PARVA: variants seen among roughly 807,000 people sequenced by gnomAD.
The protein encoded by PARVA is parvin alpha.
In PARVA, 25 loss-of-function variants were observed where a neutral mutation model predicts 52.6. The observed-to-expected ratio is 0.48, with a 90% CI of 0.35 to 0.66. PARVA has a LOEUF of 0.66. PARVA is among the 30% of genes least tolerant of loss of function. The pLI is 0.01. For missense variants in PARVA, 373 were observed against 450.9 expected (o/e 0.83, Z 1.56); for synonymous variants, 185 against 179.1 (o/e 1.03, Z -0.26).
At chr11:12,427,653 A>G (rs1018761946) in intron 1 of PARVA, among the ~76,000 whole-genome samples, 3 of 152,224 alleles carry the variant, frequency 2.0e-5, no homozygotes, top group African/African-American at 4.8e-5. Context: ...CAAAAAAACA[A>G]TTATCTTGAA....
intron 4 of PARVA, among the ~76,000 whole-genome samples, chr11:12,488,072 T>C (rs887526730): frequency 6.6e-6 from 1 of 152,146 alleles, no homozygotes; most frequent in African/African-American, 2.4e-5. Context: ...ATTTGAACAG[T>C]CATTTCAAGT....
Position 12,533,237 on chromosome 11 carries a change from C to CAG in PARVA, c.*5312_*5313insAG, listed in dbSNP as rs1468533815. Among the ~76,000 whole-genome samples, 701 of 152,296 alleles carry CAG rather than the reference C, an allele frequency of 4.6e-3. 3 individuals are homozygous for CAG. The highest frequency in any genetic ancestry group is 0.015 in the African/African-American group (636 of 41,554). ...GTGTGGAGGGAATGAAATAAGGGGC[C>CAG]TACCAGGCCAGAACGCTGATCCATG... On this transcript the variant is annotated 3_prime_UTR_variant, in exon 13 of 13. Transcript: ENST00000334956.
intron 1 of PARVA, among the ~76,000 whole-genome samples, chr11:12,378,332 C>T (rs1298946780): frequency 6.6e-6 from 1 of 152,116 alleles, no homozygotes; most frequent in African/African-American, 2.4e-5. Flanking sequence ...TTTTGTCCAT[C>T]CCGAGGGCTG....
intron 1 of PARVA, among the ~76,000 whole-genome samples, chr11:12,429,641 C>T (rs914265930): frequency 6.6e-6 from 1 of 152,188 alleles, no homozygotes; most frequent in Non-Finnish European, 1.5e-5. Context: ...AGTCCACTAA[C>T]CTTTTCCCAA....
rs189887023 is a variant in PARVA at position 12,392,039 on chromosome 11, A to G, written c.136+14256A>G. The stretch of plus-strand genomic sequence containing the variant: ...CTCCCCTCCCCATTTCCTAACCCCA[A>G]GTTGTCACTAATCTACTTTCTGTTT... On this transcript the variant is annotated intron_variant, in intron 1 of 12. Transcript: ENST00000334956. 5.3e-3 allele frequency among the ~76,000 whole-genome samples: 807 copies of G among 152,108 alleles called. 9 individuals carry two copies. The highest frequency in any genetic ancestry group is 0.014 in the Middle Eastern group (4 of 292).
At chr11:12,381,622 G>A (rs970043318) in intron 1 of PARVA, among the ~76,000 whole-genome samples, 5 of 152,250 alleles carry the variant, frequency 3.3e-5, no homozygotes, top group Admixed American at 1.3e-4. Context: ...ATAGCCTACC[G>A]TTGACCAGAA....
At chr11:12,391,303 G>A (rs1483854344) in intron 1 of PARVA, among the ~76,000 whole-genome samples, 1 of 152,176 alleles carries the variant, frequency 6.6e-6, no homozygotes, top group Non-Finnish European at 1.5e-5. Flanking sequence ...TGGTGTTGGA[G>A]CAGGTGGGAA....
chr11:12,445,358 C>T (rs1271806397), intron 1 of PARVA, among the ~76,000 whole-genome samples: 1 of 152,132 alleles, frequency 6.6e-6, no homozygotes, highest in Non-Finnish European at 1.5e-5. Flanking sequence ...GGCCACCCAA[C>T]AGACAAGGCC....
intron 1 of PARVA, among the ~76,000 whole-genome samples, chr11:12,465,738 A>G (rs1372338681): frequency 6.6e-6 from 1 of 152,224 alleles, no homozygotes. Flanking sequence ...ATATAGATGT[A>G]CTACAGTTTA....
At chr11:12,415,788 AAGAG>A (rs569739949) in intron 1 of PARVA, among the ~76,000 whole-genome samples, 206 of 151,832 alleles carry the variant, frequency 1.4e-3, no homozygotes, top group African/African-American at 4.9e-3. Context: ...AGCCAGGAAA[AAGAG>A]AGAGAGAGAG....
chr11:12,493,054 T>C lies in PARVA; in HGVS notation c.401-3404T>C, dbSNP rs1188630219. On this transcript the variant is annotated intron_variant, in intron 4 of 12. Coordinates refer to ENST00000334956, the MANE Select transcript of PARVA (RefSeq NM_018222.5). The stretch of plus-strand genomic sequence containing the variant: ...ATATATATATACTATAATCTCATTT[T>C]CATTAAAAGAGAAAGAGAAGGCTGA... 1.3e-5 allele frequency among the ~76,000 whole-genome samples: 2 copies of C among 152,126 alleles called. 1 individual carries two copies. Among genetic ancestry groups the C allele is most frequent in the Admixed American group, 1.3e-4 (2 of 15,256 alleles).
intron 6 of PARVA, among the ~76,000 whole-genome samples, chr11:12,507,787 TG>T (rs532524314): frequency 8.1e-4 from 124 of 152,288 alleles, no homozygotes; most frequent in African/African-American, 2.9e-3. Flanking sequence ...AGGACTGTTT[TG>T]GGGAAACCAT....
At chr11:12,409,171 C>A (rs994117467) in intron 1 of PARVA, among the ~76,000 whole-genome samples, 1 of 152,162 alleles carries the variant, frequency 6.6e-6, no homozygotes, top group African/African-American at 2.4e-5. Context: ...TTAACAGTGC[C>A]TGCTTCATTA....
chr11:12,380,092 CTCCACCAGGCCCAACA>C (rs1939463572), intron 1 of PARVA, among the ~76,000 whole-genome samples: 1 of 152,214 alleles, frequency 6.6e-6, no homozygotes, highest in Non-Finnish European at 1.5e-5. Flanking sequence ...AGAGTCTTCT[CTCCACCAGGCCCAACA>C]TCCTCTATTC....
chr11:12,472,627 C>T (rs2135034958), intron 1 of PARVA, among the ~76,000 whole-genome samples: 1 of 152,294 alleles, frequency 6.6e-6, no homozygotes, highest in South Asian at 2.1e-4. Context: ...TTGTAAGTGG[C>T]TGCCTTGTGC....
At chr11:12,377,103 C>T (rs1434525974), upstream of PARVA, 1 of 175,744 alleles carries the variant, frequency 5.7e-6, no homozygotes, top group Non-Finnish European at 1.2e-5. Context: ...TTTGGTGGGG[C>T]CTGGACACAT....
Position 12,377,571 on chromosome 11 carries a change from A to G in PARVA, c.-77A>G, listed in dbSNP as rs993273421. 1.2e-5 allele frequency: 18 copies of G among 1,494,442 alleles called. No individual in the cohort carries two copies. Among genetic ancestry groups the G allele is most frequent in the African/African-American group, 2.9e-5 (2 of 68,192 alleles). 92.6% of individuals were successfully genotyped at this position (1,494,442 alleles called of 1,614,324 possible). A position where few individuals can be genotyped will look rare whatever the true frequency, so the allele number is the denominator to read the frequency against. On this transcript the variant is annotated 5_prime_UTR_variant, in exon 1 of 13. Coordinates refer to ENST00000334956, the MANE Select transcript of PARVA (RefSeq NM_018222.5). ...CTTCCGTTTGGAAAGCCGCAGCCTC[A>G]GTCCCGCCGCCGCCCGCTGCGTCCG...
intron 4 of PARVA, among the ~76,000 whole-genome samples, chr11:12,489,899 TGTTAGGAGAGGCGGCTTTAAAAA>T (rs1473166624): frequency 1.3e-5 from 2 of 152,078 alleles, no homozygotes; most frequent in Admixed American, 1.3e-4. Flanking sequence ...CCAAAAAAAC[TGTTAGGAGAGGCGGCTTTAAAAA>T]GTTAGGAGAG....
At chr11:12,493,034 T>C (rs899219630) in intron 4 of PARVA, among the ~76,000 whole-genome samples, 5 of 152,144 alleles carry the variant, frequency 3.3e-5, no homozygotes, top group African/African-American at 1.2e-4. Context: ...CAAAAATATA[T>C]ATATACTATA....
Sources: allele counts gnomAD v4.1 joint callset (sites outside exome capture counted in the v4.1 genomes callset), GRCh38; gene constraint gnomAD v4.1.1; transcripts MANE v1.5; gene names NCBI Gene and HGNC (gene_info 2026-07-23, HGNC 2026-07-21).